Variants in COL25A1 observed in about 807,000 individuals in gnomAD.
COL25A1 encodes the protein collagen alpha-1(XXV) chain.
COL25A1 carries 103 observed loss-of-function variants against 128.4 expected under a neutral mutation model. That is an observed-to-expected ratio of 0.80 (90% CI 0.68 to 0.94). The LOEUF (loss-of-function observed/expected upper bound fraction) is 0.94. COL25A1 is among the 40% of genes least tolerant of loss of function. COL25A1 has a pLI of 0.00. For missense variants in COL25A1, 745 were observed against 840.0 expected (o/e 0.89, Z 1.40); for synonymous variants, 279 against 277.2 (o/e 1.01, Z -0.06).
rs543585884 is a variant in COL25A1 at position 108,974,284 on chromosome 4, G to A, written c.492+83C>T. On this transcript the variant is annotated intron_variant, in intron 8 of 37. Transcript: ENST00000399132. ...TACTGAACCATGTGGCACAAAGGCA[G>A]TTATGAAGCTGGGGTACTTTCATTC... is the stretch of plus-strand genomic sequence containing the variant. 72 of 1,440,030 alleles carry A rather than the reference G, an allele frequency of 5.0e-5. 1 individual carries two copies. In the South Asian group the frequency reaches 7.4e-4, roughly 15 times the overall value. The allele number at this position is 1,440,030 out of a possible 1,614,324, so 89.2% of individuals were successfully genotyped here.
At chr4:109,195,801 G>T (rs879289048) in intron 3 of COL25A1, among the ~76,000 whole-genome samples, 3 of 152,108 alleles carry the variant, frequency 2.0e-5, no homozygotes, top group Non-Finnish European at 4.4e-5. Flanking sequence ...CAGTCAAAAT[G>T]TTTGATTCTG....
Position 108,977,848 on chromosome 4 carries a change from A to G in COL25A1, c.439-3289T>C, listed in dbSNP as rs566950528. On this transcript the variant is annotated intron_variant, in intron 6 of 37. Transcript: ENST00000399132. ...AGCTACATCAAGGTCAACTGTTACT[A>G]TAGACACCTCCCCAGCCTCCATATC... 3.3e-5 allele frequency among the ~76,000 whole-genome samples: 5 copies of G among 152,310 alleles called. No homozygotes were observed. The East Asian group carries it at 9.6e-4, about 29-fold the overall frequency.
intron 3 of COL25A1, among the ~76,000 whole-genome samples, chr4:109,187,244 A>ATCTCT (rs139364146): frequency 5.6e-4 from 85 of 151,128 alleles, no homozygotes; most frequent in African/African-American, 1.7e-3. Flanking sequence ...TAACTTTTCC[A>ATCTCT]TCTTCTTCTC....
intron 8 of COL25A1, among the ~76,000 whole-genome samples, chr4:108,950,331 A>G (rs1386056309): frequency 6.6e-6 from 1 of 152,150 alleles, no homozygotes. Context: ...AAGCAACACC[A>G]CAGAGAAATG....
intron 3 of COL25A1, among the ~76,000 whole-genome samples, chr4:109,150,091 ATGTG>A (rs141897068): frequency 6.0e-5 from 9 of 150,540 alleles, no homozygotes; most frequent in African/African-American, 2.0e-4. Flanking sequence ...GTATGTCTGT[ATGTG>A]TGTGTGTGTG....
At chr4:109,195,388 A>C (rs908363048) in intron 3 of COL25A1, among the ~76,000 whole-genome samples, 1 of 152,240 alleles carries the variant, frequency 6.6e-6, no homozygotes, top group Non-Finnish European at 1.5e-5. Flanking sequence ...TATAGCAACA[A>C]TTGACTGGAT....
At chr4:108,867,082 T>C (rs923875717) in intron 20 of COL25A1, among the ~76,000 whole-genome samples, 6 of 152,226 alleles carry the variant, frequency 3.9e-5, no homozygotes, top group African/African-American at 1.2e-4. Context: ...ATTTTATGCC[T>C]CTACATCTGG....
At chr4:108,949,238 G>A (rs1749119816) in intron 8 of COL25A1, among the ~76,000 whole-genome samples, 1 of 152,174 alleles carries the variant, frequency 6.6e-6, no homozygotes, top group Non-Finnish European at 1.5e-5. Context: ...CAAGAGAACA[G>A]TACTGTCTTA....
intron 3 of COL25A1, among the ~76,000 whole-genome samples, chr4:109,081,257 A>C (rs933087484): frequency 6.6e-5 from 10 of 152,160 alleles, no homozygotes; most frequent in African/African-American, 2.4e-4. Flanking sequence ...ACAGTTTTTT[A>C]CCTCATATCA....
intron 37 of COL25A1, among the ~76,000 whole-genome samples, chr4:108,815,830 A>G (rs540566418): frequency 3.4e-4 from 52 of 152,188 alleles, no homozygotes; most frequent in African/African-American, 1.1e-3. Context: ...CAGATTATAA[A>G]CCCCTTTAAA....
chr4:109,061,368 G>T (rs972628601), intron 3 of COL25A1, among the ~76,000 whole-genome samples: 1 of 152,112 alleles, frequency 6.6e-6, no homozygotes, highest in Non-Finnish European at 1.5e-5. Context: ...TTTTAATAGA[G>T]TTGTTAAGTA....
chr4:108,942,078 C>T (rs1748175392), intron 8 of COL25A1: 1 of 788,636 alleles, frequency 1.3e-6, no homozygotes, highest in Non-Finnish European at 2.1e-6. Flanking sequence ...AAGTGGGGTC[C>T]CAAGTGCCCA....
chr4:108,831,380 A>T (rs1733079357), intron 32 of COL25A1, among the ~76,000 whole-genome samples: 1 of 152,124 alleles, frequency 6.6e-6, no homozygotes, highest in Admixed American at 6.6e-5. Flanking sequence ...AATGAATGAG[A>T]TCACTCTACA....
At chr4:108,823,803 C>A in intron 35 of COL25A1, 2 of 690,388 alleles carry the variant, frequency 2.9e-6, no homozygotes, top group Non-Finnish European at 4.0e-6. Flanking sequence ...GAGATGCTGC[C>A]TTTGCAGGGT....
chr4:108,894,608 C>T (rs933012885), intron 16 of COL25A1, among the ~76,000 whole-genome samples: 2 of 152,142 alleles, frequency 1.3e-5, no homozygotes, highest in African/African-American at 2.4e-5. Flanking sequence ...TCTATGGTTG[C>T]TTTCATGCCA....
At chr4:109,225,483 G>A (rs930961020) in intron 3 of COL25A1, among the ~76,000 whole-genome samples, 3 of 152,152 alleles carry the variant, frequency 2.0e-5, no homozygotes, top group Non-Finnish European at 2.9e-5. Context: ...CGGAGAAAAC[G>A]GAATACTTAC....
chr4:109,161,178 C>T (rs997495446), intron 3 of COL25A1, among the ~76,000 whole-genome samples: 1 of 151,962 alleles, frequency 6.6e-6, no homozygotes, highest in Non-Finnish European at 1.5e-5. Context: ...GGAACTAGAA[C>T]CAGGGGAAAT....
intron 3 of COL25A1, among the ~76,000 whole-genome samples, chr4:109,241,939 A>G (rs1006795133): frequency 1.5e-4 from 23 of 151,550 alleles, no homozygotes; most frequent in Admixed American, 1.5e-3. Flanking sequence ...CTTTTTTTTT[A>G]AAAGTTGAAA....
intron 3 of COL25A1, among the ~76,000 whole-genome samples, chr4:109,266,869 G>T (rs1054683445): frequency 3.3e-5 from 5 of 152,094 alleles, no homozygotes; most frequent in Non-Finnish European, 7.4e-5. Flanking sequence ...CTTTGCTATT[G>T]CACTCCAAGT....
Sources: allele counts gnomAD v4.1 joint callset (sites outside exome capture counted in the v4.1 genomes callset), GRCh38; gene constraint gnomAD v4.1.1; transcripts MANE v1.5; gene names NCBI Gene and HGNC (gene_info 2026-07-23, HGNC 2026-07-21).